POU6F2: variants seen among roughly 807,000 people sequenced by gnomAD.
The protein encoded by POU6F2 is POU class 6 homeobox 2.
A neutral mutation model predicts 71.3 loss-of-function variants in POU6F2; 31 were observed. That is an observed-to-expected ratio of 0.43 (90% CI 0.33 to 0.59). POU6F2 has a LOEUF of 0.59. Ranked by LOEUF, POU6F2 falls within the 20% of genes least tolerant of loss-of-function variation. The probability of loss-of-function intolerance (pLI) is 0.04; values close to 1 mark genes in which losing one functional copy is unlikely to be tolerated. For missense variants in POU6F2, 783 were observed against 856.8 expected, an observed-to-expected ratio of 0.91 and a Z score of 1.07; for synonymous variants, 347 against 355.7, an observed-to-expected ratio of 0.98 and a Z score of 0.27.
intron 4 of POU6F2, among the ~76,000 whole-genome samples, chr7:39,297,361 A>G (rs1289056303): frequency 1.3e-5 from 2 of 152,168 alleles, no homozygotes; most frequent in African/African-American, 4.8e-5. Context: ...TACCTTCACT[A>G]TAAGACAAAA....
intron 5 of POU6F2, among the ~76,000 whole-genome samples, chr7:39,383,638 A>G (rs1234260377): frequency 6.6e-6 from 1 of 152,100 alleles, no homozygotes; most frequent in Non-Finnish European, 1.5e-5. Flanking sequence ...CCAAAACCCA[A>G]AAAGACTGCA....
chr7:39,462,455 A>G (rs1478689387), intron 9 of POU6F2, among the ~76,000 whole-genome samples: 1 of 152,050 alleles, frequency 6.6e-6, no homozygotes, highest in Admixed American at 6.5e-5. Context: ...AGCTGCAGTG[A>G]CTCCTAGGAG....
intron 2 of POU6F2, among the ~76,000 whole-genome samples, chr7:39,195,401 C>T (rs1027032039): frequency 3.3e-5 from 5 of 152,188 alleles, no homozygotes; most frequent in African/African-American, 4.8e-5. Context: ...ATGCTTAAAT[C>T]ATATTCTGCA....
intron 7 of POU6F2, among the ~76,000 whole-genome samples, chr7:39,442,030 C>T (rs1471117536): frequency 6.6e-6 from 1 of 152,152 alleles, no homozygotes; most frequent in African/African-American, 2.4e-5. Flanking sequence ...ATACCTCAGC[C>T]ATTGCCTCCA....
At chr7:38,997,512 C>A (rs965153112) in intron 1 of POU6F2, among the ~76,000 whole-genome samples, 1 of 152,190 alleles carries the variant, frequency 6.6e-6, no homozygotes, top group Non-Finnish European at 1.5e-5. Flanking sequence ...GCACATCGTG[C>A]CTCTTTTTGG....
At chr7:39,040,126 A>AT (rs1404069134) in intron 1 of POU6F2, among the ~76,000 whole-genome samples, 2 of 11,302 alleles carry the variant, frequency 1.8e-4, no homozygotes, top group Non-Finnish European at 3.9e-4. Context: ...ATTTATATAT[A>AT]TATATATATA....
chr7:39,369,447 G>A lies in POU6F2; in HGVS notation c.972+29432G>A, dbSNP rs1052426872. ...TGTGATCTCGGCTCACTGTAACCTC[G>A]CCTCCTGGGTTTAAGGAATTCTCCC... On this transcript the variant is annotated intron_variant, in intron 5 of 9. Transcript: ENST00000518318. 4.7e-5 allele frequency among the ~76,000 whole-genome samples: 7 copies of A among 148,980 alleles called. No homozygotes were observed. The East Asian group carries it at 6.0e-4, about 13-fold the overall frequency.
chr7:39,045,441 T>C (rs908284836), intron 1 of POU6F2, among the ~76,000 whole-genome samples: 1 of 151,916 alleles, frequency 6.6e-6, no homozygotes, highest in African/African-American at 2.4e-5. Context: ...TCGTAGACTT[T>C]ATGGGATTTT....
At chr7:39,009,222 T>A (rs908553874) in intron 1 of POU6F2, among the ~76,000 whole-genome samples, 2 of 151,802 alleles carry the variant, frequency 1.3e-5, no homozygotes, top group African/African-American at 4.8e-5. Context: ...GTAGTTCTCC[T>A]TGAAGAGGTC....
At chr7:39,314,378 C>G (rs112167370) in intron 4 of POU6F2, among the ~76,000 whole-genome samples, 2 of 152,290 alleles carry the variant, frequency 1.3e-5, no homozygotes, top group African/African-American at 4.8e-5. Flanking sequence ...AGGCATGGGC[C>G]TTGGTTGAAG....
chr7:39,458,563 C>A (rs1166739028), intron 8 of POU6F2, among the ~76,000 whole-genome samples: 1 of 152,018 alleles, frequency 6.6e-6, no homozygotes, highest in Non-Finnish European at 1.5e-5. Flanking sequence ...CTGATGTGCT[C>A]GTGGGGTTTG....
In POU6F2 at chr7:39,451,645, C is replaced by A. The variant is rs1788664928; in HGVS notation, c.1433C>A (p.Ser478Tyr). Residue 478 changes from serine (S) to tyrosine (Y), a missense_variant, in exon 8 of 10, where the codon TCT becomes TAT. Transcript: ENST00000518318. Reference sequence around the variant, plus strand: ...CAAAGTCCCGTCCGGCAGGCTTCCTCTTCTTCCTCCTCATCCTCCTCTTCT... The same window carrying A: ...CAAAGTCCCGTCCGGCAGGCTTCCTATTCTTCCTCCTCATCCTCCTCTTCT... ...MSQSPVRQASSSSSSSSSSSA... is the reference protein window; with the variant it reads ...MSQSPVRQASYSSSSSSSSSA... 2 of 1,612,388 alleles carry A rather than the reference C, an allele frequency of 1.2e-6. No individual in the cohort carries two copies. Among genetic ancestry groups the A allele is most frequent in the Middle Eastern group, 1.6e-4 (1 of 6,084 alleles).
chr7:39,162,574 T>TTA (rs1793019339), intron 2 of POU6F2, among the ~76,000 whole-genome samples: 1 of 152,212 alleles, frequency 6.6e-6, no homozygotes, highest in Non-Finnish European at 1.5e-5. Flanking sequence ...ATCTCCATGA[T>TTA]GCAAGTTTGA....
chr7:39,422,582 A>G (rs1787875796), intron 6 of POU6F2, among the ~76,000 whole-genome samples: 1 of 152,196 alleles, frequency 6.6e-6, no homozygotes, highest in African/African-American at 2.4e-5. Context: ...CAAGTAAGAA[A>G]TGCATAGGAT....
chr7:39,020,675 C>T (rs1263608551), intron 1 of POU6F2, among the ~76,000 whole-genome samples: 1 of 152,058 alleles, frequency 6.6e-6, no homozygotes, highest in Non-Finnish European at 1.5e-5. Flanking sequence ...TCTACTTGAT[C>T]TGTCACACTC....
At chr7:39,045,199 A>G (rs2128712759) in intron 1 of POU6F2, among the ~76,000 whole-genome samples, 1 of 152,114 alleles carries the variant, frequency 6.6e-6, no homozygotes, top group South Asian at 2.1e-4. Flanking sequence ...GCGAATTCGC[A>G]TCCCGTACCT....
At chr7:39,119,681 G>A (rs1327137777) in intron 2 of POU6F2, among the ~76,000 whole-genome samples, 2 of 152,152 alleles carry the variant, frequency 1.3e-5, no homozygotes, top group African/African-American at 4.8e-5. Flanking sequence ...TTCTCTTTAA[G>A]CATTTTACTG....
At chr7:39,137,033 A>AG (rs1792402404) in intron 2 of POU6F2, among the ~76,000 whole-genome samples, 1 of 142,766 alleles carries the variant, frequency 7.0e-6, no homozygotes, top group Non-Finnish European at 1.5e-5. Flanking sequence ...AAAAAAAAAA[A>AG]GAGTGGAGAT....
At chr7:39,053,815 A>G (rs1329342762) in intron 1 of POU6F2, among the ~76,000 whole-genome samples, 1 of 152,132 alleles carries the variant, frequency 6.6e-6, no homozygotes, top group Non-Finnish European at 1.5e-5. Context: ...GAAATTTAAA[A>G]AAAAAGACCA....
Sources: allele counts gnomAD v4.1 joint callset (sites outside exome capture counted in the v4.1 genomes callset), GRCh38; gene constraint gnomAD v4.1.1; transcripts MANE v1.5; gene names NCBI Gene and HGNC (gene_info 2026-07-23, HGNC 2026-07-21).